Variants in PRDM16 observed in about 807,000 individuals in gnomAD.
The protein encoded by PRDM16 is PR/SET domain 16, also known as histone-lysine N-methyltransferase PRDM16.
Under a neutral mutation model 110.6 loss-of-function variants are expected in PRDM16, and 23 were observed. The observed-to-expected ratio is 0.21, with a 90% CI of 0.15 to 0.29. PRDM16 has a LOEUF of 0.29. Ranked by LOEUF, PRDM16 falls within the 10% of genes least tolerant of loss-of-function variation. The probability of loss-of-function intolerance (pLI) is 1.00; values close to 1 mark genes in which losing one functional copy is unlikely to be tolerated. For synonymous variants in PRDM16, 799 were observed against 781.8 expected, an observed-to-expected ratio of 1.02 and a Z score of -0.37; for missense variants, 1,615 against 1,794.3, an observed-to-expected ratio of 0.90 and a Z score of 1.81.
Position 3,069,544 on chromosome 1 carries a change from T to TC in PRDM16, c.37+256dup, listed in dbSNP as rs541892148. Reference sequence around the variant, plus strand: ...CCGGCCCCCTCCCCGCGGAACCCCCTCCCCCCCCACCAGTGTCAGGCGCTC... The same window carrying TC: ...CCGGCCCCCTCCCCGCGGAACCCCCTCCCCCCCCCACCAGTGTCAGGCGCTC... On this transcript the variant is annotated intron_variant, in intron 1 of 16. Transcript: ENST00000270722. The surrounding 1 kb of genome is among the most constrained non-coding windows in gnomAD (Gnocchi z 6.1). 8.4e-3 allele frequency among the ~76,000 whole-genome samples: 1,139 copies of TC among 135,782 alleles called. 12 individuals carry two copies. The highest frequency in any genetic ancestry group is 0.036 in the East Asian group (141 of 3,934). The allele number at this position is 135,782 out of a possible 152,430, so 89.1% of individuals were successfully genotyped here.
chr1:3,427,385 A>G (rs1357422340), intron 14 of PRDM16, among the ~76,000 whole-genome samples: 1 of 152,200 alleles, frequency 6.6e-6, no homozygotes, highest in Non-Finnish European at 1.5e-5. Flanking sequence ...GCTCAGGCCC[A>G]GAACCTAGAG....
rs1640269886 is a variant in PRDM16 at position 3,265,715 on chromosome 1, C to T, written c.438+21578C>T. Among the ~76,000 whole-genome samples the T allele has an allele frequency of 6.6e-6, 1 of 152,214 alleles. No individual in the cohort carries two copies. The highest frequency in any genetic ancestry group is 1.9e-4 in the East Asian group (1 of 5,176). On this transcript the variant is annotated intron_variant, in intron 3 of 16. Coordinates refer to ENST00000270722, the MANE Select transcript of PRDM16 (RefSeq NM_022114.4). This position sits in a 1 kb window ranked among gnomAD's most constrained non-coding sequence, Gnocchi z 4.5. ...CTGGGAAGGTGAGGATGGGAGCTGA[C>T]TGTGGTTAATCAGGAGGTCACAGTT...
chr1:3,100,062 G>A (rs929237594), intron 1 of PRDM16, among the ~76,000 whole-genome samples: 6 of 152,174 alleles, frequency 3.9e-5, no homozygotes, highest in Non-Finnish European at 5.9e-5. Flanking sequence ...TCTGAGGGGC[G>A]TGGAGAGGCC....
At position 3,435,844 on chromosome 1, in the gene PRDM16, G is replaced by A. The variant is rs1358523215; in HGVS notation, c.*2033G>A. The A allele has an allele frequency of 1.3e-5, 3 of 232,128 alleles. No individual in the cohort carries two copies. The highest frequency in any genetic ancestry group is 1.1e-4 in the Admixed American group (2 of 17,770). The allele number at this position is 232,128 out of a possible 1,614,324, so 14.4% of individuals were successfully genotyped here. On this transcript the variant is annotated 3_prime_UTR_variant, in exon 17 of 17. Transcript: ENST00000270722. ...GCTCCTGCAGGAGGCTCAACCCGAC[G>A]GATCACAGTGAAAGGGATTCCTCCC... is the stretch of plus-strand genomic sequence containing the variant.
intron 3 of PRDM16, among the ~76,000 whole-genome samples, chr1:3,333,013 C>T (rs1176144326): frequency 6.6e-6 from 1 of 152,182 alleles, no homozygotes; most frequent in Non-Finnish European, 1.5e-5. Flanking sequence ...CTTTCCACCT[C>T]TTGGCGATTT....
At chr1:3,227,955 A>T (rs575033781) in intron 2 of PRDM16, among the ~76,000 whole-genome samples, 24 of 152,352 alleles carry the variant, frequency 1.6e-4, no homozygotes, top group Middle Eastern at 3.4e-3. Context: ...CTCTTCCTCC[A>T]AGTCTCTGTT....
intron 1 of PRDM16, among the ~76,000 whole-genome samples, chr1:3,159,953 G>A (rs1422799422): frequency 4.6e-5 from 7 of 152,140 alleles, no homozygotes; most frequent in South Asian, 2.1e-4. Flanking sequence ...AATATTTCAC[G>A]GGACATACTT....
At chr1:3,336,680 A>G (rs199610286) in intron 3 of PRDM16, among the ~76,000 whole-genome samples, 7 of 64,398 alleles carry the variant, frequency 1.1e-4, no homozygotes, top group East Asian at 1.2e-3. Flanking sequence ...TCACACACAT[A>G]TGTGTTTTTG....
At chr1:3,217,185 G>A (rs940592233) in intron 2 of PRDM16, among the ~76,000 whole-genome samples, 5 of 152,270 alleles carry the variant, frequency 3.3e-5, no homozygotes, top group South Asian at 2.1e-4. Flanking sequence ...GCATTCGCCC[G>A]TGTGTGAGTT....
intron 2 of PRDM16, chr1:3,207,532 A>G (rs1248537353): frequency 6.6e-6 from 1 of 152,250 alleles, no homozygotes; most frequent in Admixed American, 6.5e-5. Context: ...CCCTTTGCCC[A>G]GTTCTCTGGC....
chr1:3,362,600 G>A (rs921845495), intron 3 of PRDM16, among the ~76,000 whole-genome samples: 1 of 152,178 alleles, frequency 6.6e-6, no homozygotes, highest in African/African-American at 2.4e-5. Context: ...TGGGACTGCC[G>A]AGGGCCTTCG....
rs551578538 is a variant in PRDM16, at chr1:3,436,254, T to G, written c.*2443T>G. 4.3e-6 allele frequency: 1 copy of G among 229,928 alleles called. No individual in the cohort carries two copies. The highest frequency in any genetic ancestry group is 5.7e-5 in the Admixed American group (1 of 17,686). 14.2% of individuals were successfully genotyped at this position (229,928 alleles called of 1,614,324 possible). On this transcript the variant is annotated 3_prime_UTR_variant, in exon 17 of 17. Coordinates refer to ENST00000270722, the MANE Select transcript of PRDM16 (RefSeq NM_022114.4). ...CTCTGAAGTGGGACATTCGGACGGA[T>G]GGAGCCCTCAGCGTGTCTTTTCAGC... is the stretch of plus-strand genomic sequence containing the variant.
chr1:3,413,391 G>T (rs2100666625), intron 9 of PRDM16, among the ~76,000 whole-genome samples: 1 of 152,230 alleles, frequency 6.6e-6, no homozygotes, highest in Admixed American at 6.5e-5. Flanking sequence ...AGCATTGGAG[G>T]GTTTTCTAGG....
intron 1 of PRDM16, among the ~76,000 whole-genome samples, chr1:3,104,728 C>T (rs1215117131): frequency 2.0e-5 from 3 of 152,018 alleles, no homozygotes; most frequent in South Asian, 2.1e-4. Flanking sequence ...TCCTTGGAGC[C>T]CCCACCTCCC....
chr1:3,343,906 G>T (rs9424292), intron 3 of PRDM16, among the ~76,000 whole-genome samples: 50,286 of 152,078 alleles, frequency 0.33, 8,608 homozygotes, highest in South Asian at 0.47. Context: ...CTCCCAAAGT[G>T]CTGGGATTAC....
chr1:3,363,319 C>T (rs1183383389), intron 3 of PRDM16, among the ~76,000 whole-genome samples: 1 of 152,216 alleles, frequency 6.6e-6, no homozygotes, highest in Admixed American at 6.5e-5. Flanking sequence ...CAGCAGCGTC[C>T]CACATGAGAT....
chr1:3,207,535 T>G (rs1638781521), intron 2 of PRDM16: 1 of 152,224 alleles, frequency 6.6e-6, no homozygotes, highest in Admixed American at 6.5e-5. Context: ...TTTGCCCAGT[T>G]CTCTGGCCTC....
Position 3,265,448 on chromosome 1 carries a change from G to A in PRDM16, c.438+21311G>A, listed in dbSNP as rs993114735. ...GAGGTCCTGTCCCAGTAGGGGGTTG[G>A]GGAGGGACTTGGAGGCTTCCCGGTG... On this transcript the variant is annotated intron_variant, in intron 3 of 16. Transcript: ENST00000270722. This position sits in a 1 kb window ranked among gnomAD's most constrained non-coding sequence, Gnocchi z 4.5. 2.6e-5 allele frequency among the ~76,000 whole-genome samples: 4 copies of A among 151,960 alleles called. No individual in the cohort carries two copies. The highest frequency in any genetic ancestry group is 9.7e-5 in the African/African-American group (4 of 41,344).
At chr1:3,258,956 A>T (rs1640106302) in intron 3 of PRDM16, among the ~76,000 whole-genome samples, 2 of 152,238 alleles carry the variant, frequency 1.3e-5, no homozygotes, top group Admixed American at 6.5e-5. Flanking sequence ...AGCTGCAAAA[A>T]TAAAATGAGG....
Sources: allele counts gnomAD v4.1 joint callset (sites outside exome capture counted in the v4.1 genomes callset), GRCh38; gene constraint gnomAD v4.1.1; non-coding constraint Gnocchi (gnomAD v3.1); transcripts MANE v1.5; gene names NCBI Gene and HGNC (gene_info 2026-07-23, HGNC 2026-07-21).